Variants in TBC1D22A observed in about 807,000 individuals in gnomAD.
TBC1D22A encodes putative GTPase activator.
A neutral mutation model predicts 60.2 loss-of-function variants in TBC1D22A; 38 were observed. The observed-to-expected ratio is 0.63, with a 90% CI of 0.49 to 0.83. TBC1D22A has a LOEUF of 0.83. Ranked by LOEUF, TBC1D22A falls within the 40% of genes least tolerant of loss-of-function variation. The pLI is 0.00. For missense variants in TBC1D22A, 628 were observed against 701.0 expected (o/e 0.90, Z 1.18); for synonymous variants, 302 against 281.7 (o/e 1.07, Z -0.72).
intron 1 of TBC1D22A, 139 bp from the exon 2 acceptor site, chr22:46,792,381 G>A (rs1257316702): frequency 1.7e-6 from 2 of 1,160,556 alleles, no homozygotes; most frequent in Non-Finnish European, 2.5e-6. Context: ...GTGGCTGCAG[G>A]GGGGCCTGCG....
chr22:47,037,240 GC>G lies in TBC1D22A; in HGVS notation c.1329+45del, dbSNP rs765267405. On this transcript the variant is annotated intron_variant, in intron 11 of 12. Transcript: ENST00000337137. The stretch of plus-strand genomic sequence containing the variant: ...ACCCTCCGCCATGGGGGTGCCAGGA[GC>G]CCGGGCCGTTTCCTGTCGCCTTCTG... The G allele has an allele frequency of 3.7e-6, 6 of 1,606,778 alleles. No homozygotes were observed. In the Admixed American group the frequency reaches 8.3e-5, roughly 22 times the overall value.
At chr22:47,085,158 G>A (rs963581469) in intron 11 of TBC1D22A, among the ~76,000 whole-genome samples, 5 of 152,064 alleles carry the variant, frequency 3.3e-5, no homozygotes, top group Non-Finnish European at 7.4e-5. Flanking sequence ...GCGTGTGCCT[G>A]TAATTCCAGC....
chr22:47,076,408 CATAT>C (rs770188684), intron 11 of TBC1D22A, among the ~76,000 whole-genome samples: 1,810 of 102,406 alleles, frequency 0.018, 40 homozygotes, highest in African/African-American at 0.058. Context: ...CACACACACA[CATAT>C]ATATATATAT....
rs539971376 is a variant in TBC1D22A at position 47,121,564 on chromosome 22, C to T, written c.1425+9961C>T. 3.3e-5 allele frequency among the ~76,000 whole-genome samples: 5 copies of T among 152,140 alleles called. No homozygotes were observed. In the South Asian group the frequency reaches 6.2e-4, roughly 19 times the overall value. On this transcript the variant is annotated intron_variant, in intron 12 of 12. Transcript: ENST00000337137. Reference sequence around the variant, plus strand: ...AAGCATGACCTGAAATTGTATATATCGACATATGTAATACAGATAAAAATG... The same window carrying T: ...AAGCATGACCTGAAATTGTATATATTGACATATGTAATACAGATAAAAATG...
chr22:46,783,859 C>T (rs1385035599), intron 1 of TBC1D22A, among the ~76,000 whole-genome samples: 1 of 152,070 alleles, frequency 6.6e-6, no homozygotes, highest in African/African-American at 2.4e-5. Flanking sequence ...TCTTTTTTAG[C>T]ATTATAGACA....
At chr22:46,781,832 A>T (rs899678578) in intron 1 of TBC1D22A, among the ~76,000 whole-genome samples, 3 of 152,154 alleles carry the variant, frequency 2.0e-5, no homozygotes, top group African/African-American at 7.2e-5. Flanking sequence ...CTTCCATCTG[A>T]GAGCCCCGGC....
At chr22:46,844,436 T>G (rs1006659728) in intron 4 of TBC1D22A, among the ~76,000 whole-genome samples, 1 of 152,188 alleles carries the variant, frequency 6.6e-6, no homozygotes, top group African/African-American at 2.4e-5. Flanking sequence ...ATTAAGCACC[T>G]CCTCTGTGCC....
At chr22:46,940,553 T>C (rs908392981) in intron 8 of TBC1D22A, among the ~76,000 whole-genome samples, 2 of 149,274 alleles carry the variant, frequency 1.3e-5, no homozygotes, top group Admixed American at 6.6e-5. Context: ...TATATGTATG[T>C]GTATGTATAC....
intron 4 of TBC1D22A, among the ~76,000 whole-genome samples, chr22:46,811,312 G>A (rs2085366605): frequency 6.6e-6 from 1 of 152,212 alleles, no homozygotes; most frequent in African/African-American, 2.4e-5. Context: ...AAGAAAGCAA[G>A]GTTCCCATCT....
At chr22:47,048,025 G>A (rs2063086089) in intron 11 of TBC1D22A, among the ~76,000 whole-genome samples, 3 of 152,324 alleles carry the variant, frequency 2.0e-5, no homozygotes, top group South Asian at 4.1e-4. Flanking sequence ...TTAAATGAAA[G>A]GAACAAGAAA....
chr22:46,937,251 A>G (rs2071708236), intron 8 of TBC1D22A, among the ~76,000 whole-genome samples: 1 of 152,226 alleles, frequency 6.6e-6, no homozygotes, highest in African/African-American at 2.4e-5. Flanking sequence ...TCTAGCCTGC[A>G]GTTACCACAT....
chr22:46,848,570 T>G (rs1307523044), intron 4 of TBC1D22A, among the ~76,000 whole-genome samples: 1 of 152,218 alleles, frequency 6.6e-6, no homozygotes, highest in Non-Finnish European at 1.5e-5. Flanking sequence ...GTCAGTGCCT[T>G]AGACAGGAAT....
At chr22:46,961,402 A>T (rs945980157) in intron 8 of TBC1D22A, among the ~76,000 whole-genome samples, 1 of 152,188 alleles carries the variant, frequency 6.6e-6, no homozygotes, top group African/African-American at 2.4e-5. Context: ...ACCTTAGCTC[A>T]TAGTGCATTT....
At chr22:47,011,222 T>C (rs1358423416) in intron 10 of TBC1D22A, among the ~76,000 whole-genome samples, 1 of 152,120 alleles carries the variant, frequency 6.6e-6, no homozygotes, top group African/African-American at 2.4e-5. Flanking sequence ...TGGGCAGCCT[T>C]GGGGTGTCCT....
rs569377571 is a variant in TBC1D22A at position 47,069,354 on chromosome 22, C to T, written c.1329+32156C>T. On this transcript the variant is annotated intron_variant, in intron 11 of 12. Coordinates refer to ENST00000337137, the MANE Select transcript of TBC1D22A (RefSeq NM_014346.5). ...AGTGTGAGTGGTGCAGATGGAACGTCGTACCTCCCAGAGTTCAGACTGAGT... is the reference window on the plus strand; with the variant it reads ...AGTGTGAGTGGTGCAGATGGAACGTTGTACCTCCCAGAGTTCAGACTGAGT... Among the ~76,000 whole-genome samples, 130 of 152,268 alleles carry T rather than the reference C, an allele frequency of 8.5e-4. 1 individual carries two copies. In the Middle Eastern group the frequency reaches 0.01, roughly 12 times the overall value.
intron 10 of TBC1D22A, among the ~76,000 whole-genome samples, chr22:47,018,095 C>G (rs949004070): frequency 7.2e-5 from 11 of 152,268 alleles, no homozygotes; most frequent in Admixed American, 1.3e-4. Context: ...GCACCTCGTT[C>G]TGGGCACTGA....
At chr22:46,947,272 C>G (rs2072606157) in intron 8 of TBC1D22A, among the ~76,000 whole-genome samples, 1 of 152,210 alleles carries the variant, frequency 6.6e-6, no homozygotes. Context: ...GGGTTCTTCT[C>G]AGTCGCTCTG....
At chr22:46,985,765 C>G (rs1200612262) in intron 9 of TBC1D22A, among the ~76,000 whole-genome samples, 1 of 152,118 alleles carries the variant, frequency 6.6e-6, no homozygotes, top group African/African-American at 2.4e-5. Flanking sequence ...TCTGGCTGTT[C>G]CACGTCAGAA....
chr22:46,997,899 C>A (rs1332435629), intron 10 of TBC1D22A, among the ~76,000 whole-genome samples, 190 bp downstream of exon 10: 1 of 152,210 alleles, frequency 6.6e-6, no homozygotes, highest in Non-Finnish European at 1.5e-5. Context: ...GGGATATCAT[C>A]AGAATTCAGT....
Sources: gnomAD v4.1 joint callset for allele counts (sites outside exome capture counted in the v4.1 genomes callset) on GRCh38, gnomAD v4.1.1 for gene constraint, MANE v1.5 for transcripts, NCBI Gene and HGNC (gene_info 2026-07-23, HGNC 2026-07-21) for gene names.